The following RBM18 variants were observed in gnomAD, a reference collection of about 807,000 sequenced individuals.
The protein encoded by RBM18 is RNA binding motif protein 18.
A neutral mutation model predicts 26.4 loss-of-function variants in RBM18; 18 were observed. The observed-to-expected ratio is 0.68, with a 90% confidence interval of 0.47 to 1.01. RBM18 has a LOEUF of 1.01. RBM18 is among the 50% of genes least tolerant of loss of function. The pLI is 0.00. For missense variants in RBM18, 180 were observed against 219.2 expected (o/e 0.82, Z 1.13); for synonymous variants, 74 against 81.1 (o/e 0.91, Z 0.47).
chr9:122,247,770 C>A (rs894980813), intron 3 of RBM18, among the ~76,000 whole-genome samples, 166 bp from the exon 4 acceptor site: 1 of 145,966 alleles, frequency 6.9e-6, no homozygotes, highest in Non-Finnish European at 1.5e-5. Flanking sequence ...TTAAAAAGGG[C>A]ATGGTTTTTT....
intron 3 of RBM18, among the ~76,000 whole-genome samples, chr9:122,250,922 CTAT>C (rs1287859122): frequency 1.2e-5 from 1 of 83,060 alleles, no homozygotes; most frequent in Admixed American, 1.3e-4. Flanking sequence ...ATTATTATTA[CTAT>C]TATTATTATT....
rs1831828959 is a variant in RBM18, at chr9:122,262,834, G to A, written c.-16-1326C>T. Among the ~76,000 whole-genome samples, 5 of 152,030 alleles carry A rather than the reference G, an allele frequency of 3.3e-5. 1 individual carries two copies. The highest frequency in any genetic ancestry group is 4.1e-4 in the South Asian group (2 of 4,822). On this transcript the variant is annotated intron_variant, in intron 1 of 5. Transcript: ENST00000417201. Reference sequence around the variant, plus strand: ...TCCTGACCCCAAGTGATCCATCCACGTCGGCCTCTCAAAGTGCTGGGATTA... The same window carrying A: ...TCCTGACCCCAAGTGATCCATCCACATCGGCCTCTCAAAGTGCTGGGATTA...
intron 2 of RBM18, 145 bp downstream of exon 2, chr9:122,261,234 AG>A: frequency 1.6e-6 from 1 of 626,960 alleles, no homozygotes. Flanking sequence ...ACAAGATAAC[AG>A]GCTAACAACA....
At chr9:122,250,133 T>C (rs1831576710) in intron 3 of RBM18, among the ~76,000 whole-genome samples, 1 of 151,042 alleles carries the variant, frequency 6.6e-6, no homozygotes, top group Non-Finnish European at 1.5e-5. Flanking sequence ...TCAAAATACT[T>C]GAACAATTAG....
At chr9:122,258,186 G>C (rs1319579058) in intron 2 of RBM18, among the ~76,000 whole-genome samples, 1 of 152,138 alleles carries the variant, frequency 6.6e-6, no homozygotes, top group Non-Finnish European at 1.5e-5. Context: ...TAAAATGTCA[G>C]GTTCCTTTTA....
intron 2 of RBM18, among the ~76,000 whole-genome samples, chr9:122,254,580 C>T (rs1366679688): frequency 1.3e-5 from 2 of 152,340 alleles, no homozygotes; most frequent in Middle Eastern, 3.4e-3. Flanking sequence ...AAAATTAGCA[C>T]ACCAGCCCCA....
chr9:122,256,470 T>C (rs1004142940), intron 2 of RBM18, among the ~76,000 whole-genome samples: 3 of 152,194 alleles, frequency 2.0e-5, no homozygotes, highest in Non-Finnish European at 4.4e-5. Flanking sequence ...GTATTATCCC[T>C]TTTAGAAAGA....
chr9:122,256,461 T>C (rs1053868876), intron 2 of RBM18, among the ~76,000 whole-genome samples: 1 of 152,236 alleles, frequency 6.6e-6, no homozygotes, highest in Non-Finnish European at 1.5e-5. Flanking sequence ...AGAAAGTCGG[T>C]ATTATCCCTT....
chr9:122,251,830 G>C lies in RBM18; in HGVS notation c.240+17C>G. The C allele has an allele frequency of 6.2e-7, 1 of 1,610,182 alleles. No individual in the cohort carries two copies. Among genetic ancestry groups the C allele is most frequent in the South Asian group, 1.1e-5 (1 of 90,910 alleles). On this transcript the variant is annotated intron_variant, in intron 3 of 5. Transcript: ENST00000417201. ...GAGCTTGATAAATATTATAAAATGG[G>C]GAGAAAGCTTAATTACCTGCTTAGT...
intron 2 of RBM18, among the ~76,000 whole-genome samples, chr9:122,252,822 C>T (rs1390899462): frequency 6.6e-6 from 1 of 152,190 alleles, no homozygotes; most frequent in Non-Finnish European, 1.5e-5. Flanking sequence ...CACTACTCTG[C>T]CCTTCATCCT....
intron 2 of RBM18, among the ~76,000 whole-genome samples, chr9:122,255,070 G>A (rs1016563927): frequency 1.3e-5 from 2 of 152,140 alleles, no homozygotes; most frequent in Admixed American, 6.5e-5. Flanking sequence ...GTAGGCTGAG[G>A]GAATTTTAAT....
At chr9:122,263,879 C>G (rs987804786) in intron 1 of RBM18, among the ~76,000 whole-genome samples, 3 of 152,210 alleles carry the variant, frequency 2.0e-5, no homozygotes, top group Admixed American at 6.5e-5. Flanking sequence ...CACCTAGTAA[C>G]TGCACCTTTA....
At chr9:122,254,791 C>T (rs564318722) in intron 2 of RBM18, among the ~76,000 whole-genome samples, 1 of 152,138 alleles carries the variant, frequency 6.6e-6, no homozygotes. Context: ...CTAGTTAAGA[C>T]AGAGAGAGAT....
chr9:122,251,837 G>A lies in RBM18; in HGVS notation c.240+10C>T. 1 of 1,612,236 alleles carries A rather than the reference G, an allele frequency of 6.2e-7. No homozygotes were observed. Among genetic ancestry groups the A allele is most frequent in the South Asian group, 1.1e-5 (1 of 90,982 alleles). On this transcript the variant is annotated intron_variant, in intron 3 of 5. Transcript: ENST00000417201. The stretch of plus-strand genomic sequence containing the variant: ...ATAAATATTATAAAATGGGGAGAAA[G>A]CTTAATTACCTGCTTAGTTTCAAAG...
rs1246510737 is a variant in RBM18 at position 122,247,600 on chromosome 9, G to C, written c.245C>G (p.Ala82Gly). The C allele has an allele frequency of 6.2e-7, 1 of 1,613,456 alleles. No individual in the cohort carries two copies. The highest frequency in any genetic ancestry group is 2.2e-5 in the East Asian group (1 of 44,862). Residue 82 changes from alanine to glycine, a missense_variant, in exon 4 of 6, where the codon GCA (alanine) becomes GGA (glycine). Transcript: ENST00000417201. The part of the protein sequence containing the change: ...CFVNFETKQE[A>G]EQAIQCLNGK... The stretch of plus-strand genomic sequence containing the variant: ...ATTGAGACACTGGATGGCTTGCTCT[G>C]CTTCCTGTCCAGGAAAGGGACAAAT...
At chr9:122,251,792 A>C in intron 3 of RBM18, 55 bp downstream of exon 3, 1 of 1,561,166 alleles carries the variant, frequency 6.4e-7, no homozygotes, top group Non-Finnish European at 8.8e-7. Flanking sequence ...GACATGCACA[A>C]ATAATTATGA....
chr9:122,238,027 G>C lies in RBM18; in HGVS notation c.*3857C>G, dbSNP rs1056551771. The C allele has an allele frequency of 6.6e-6, 1 of 152,124 alleles. No individual in the cohort carries two copies. The highest frequency in any genetic ancestry group is 2.4e-5 in the African/African-American group (1 of 41,416). The allele number at this position is 152,124 out of a possible 1,614,324, so 9.4% of individuals were successfully genotyped here. A position where few individuals can be genotyped will look rare whatever the true frequency, so the allele number is the denominator to read the frequency against. ...ATTAGGAGGCAGAGGCCAGTTTGCT[G>C]AACACTGGACTAGATGTTTGCAGGC... On this transcript the variant is annotated 3_prime_UTR_variant, in exon 6 of 6. Coordinates refer to ENST00000417201, the MANE Select transcript of RBM18 (RefSeq NM_033117.4).
At chr9:122,260,259 T>G (rs1473912729) in intron 2 of RBM18, among the ~76,000 whole-genome samples, 1 of 152,066 alleles carries the variant, frequency 6.6e-6, no homozygotes, top group Non-Finnish European at 1.5e-5. Context: ...GGCATGAGAA[T>G]TGCTTAAGCC....
At chr9:122,259,871 T>C (rs1831758323) in intron 2 of RBM18, among the ~76,000 whole-genome samples, 1 of 152,026 alleles carries the variant, frequency 6.6e-6, no homozygotes, top group Non-Finnish European at 1.5e-5. Context: ...TTTTTTCATT[T>C]TTAGTAGAGA....
Sources: allele counts gnomAD v4.1 joint callset (sites outside exome capture counted in the v4.1 genomes callset), GRCh38; gene constraint gnomAD v4.1.1; transcripts MANE v1.5; gene names NCBI Gene and HGNC (gene_info 2026-07-23, HGNC 2026-07-21).